LRCH2: variants seen among roughly 807,000 people sequenced by gnomAD.
The protein encoded by LRCH2 is leucine-rich repeat and calponin homology domain-containing protein 2.
In LRCH2, 38 loss-of-function variants were observed where a neutral mutation model predicts 68.9. The ratio of observed to expected loss-of-function variants is 0.55; its 90% CI spans 0.43 to 0.72. The LOEUF (loss-of-function observed/expected upper bound fraction) is 0.72. Among genes scored for constraint, LRCH2 ranks in the 30% least tolerant of loss-of-function variants. The pLI is 0.00. For synonymous variants in LRCH2, 191 were observed against 208.1 expected (o/e 0.92, Z 0.71); for missense variants, 528 against 572.9 (o/e 0.92, Z 0.80).
chrX:115,191,794 C>T (rs1410935015), intron 1 of LRCH2: 10 of 1,156,466 alleles, frequency 8.6e-6, no homozygotes, highest in Admixed American at 8.0e-5. Flanking sequence ...GTACCGAGGC[C>T]GCTCGCTCGA....
At chrX:115,120,953 T>C in intron 20 of LRCH2, among the ~76,000 whole-genome samples, 1 of 99,094 alleles carries the variant, frequency 1.0e-5, no homozygotes, top group Non-Finnish European at 2.0e-5. Context: ...TTCTCACTCA[T>C]AGGTGGGAAT....
intron 1 of LRCH2, among the ~76,000 whole-genome samples, chrX:115,231,986 A>T (rs1456389417): frequency 2.7e-5 from 3 of 111,711 alleles, no homozygotes; most frequent in Non-Finnish European, 5.6e-5. Flanking sequence ...TGGGGCTTCA[A>T]TAAAATTAAA....
chrX:115,200,628 T>G (rs2072923678), intron 1 of LRCH2, among the ~76,000 whole-genome samples: 1 of 102,054 alleles, frequency 9.8e-6, no homozygotes, highest in African/African-American at 3.6e-5. Context: ...CAAAACTGAA[T>G]CAGTAGTAAA....
At chrX:115,192,627 A>C in intron 1 of LRCH2, 1 of 1,169,665 alleles carries the variant, frequency 8.5e-7, no homozygotes, top group Non-Finnish European at 1.1e-6. Context: ...AGAGGGGGGA[A>C]GGCCGGAGCA....
At chrX:115,168,846 T>C (rs2072584466) in intron 6 of LRCH2, among the ~76,000 whole-genome samples, 1 of 111,490 alleles carries the variant, frequency 9.0e-6, no homozygotes, top group African/African-American at 3.3e-5. Context: ...CTTAAAACTG[T>C]CCAATGACTT....
chrX:115,175,431 T>C (rs2072639382), intron 5 of LRCH2, among the ~76,000 whole-genome samples: 1 of 111,610 alleles, frequency 9.0e-6, no homozygotes, highest in South Asian at 3.8e-4. Context: ...AGTATTACCC[T>C]ACACCCAGAA....
At chrX:115,192,433 C>T (rs1556561311) in intron 1 of LRCH2, 7 of 1,167,295 alleles carry the variant, frequency 6.0e-6, no homozygotes, top group Non-Finnish European at 8.0e-6. Context: ...CAGCGGCGAC[C>T]ACGACAGATC....
chrX:115,122,204 C>CAA (rs1293459152), intron 20 of LRCH2, among the ~76,000 whole-genome samples: 3 of 49,111 alleles, frequency 6.1e-5, no homozygotes, highest in Non-Finnish European at 1.2e-4. Context: ...TGTTCTCTAG[C>CAA]AAAAAAAAAA....
chrX:115,201,367 T>C (rs939685438), intron 1 of LRCH2, among the ~76,000 whole-genome samples: 1 of 111,931 alleles, frequency 8.9e-6, no homozygotes, highest in African/African-American at 3.3e-5. Context: ...GTTGAATATA[T>C]GCAAATTAAT....
intron 14 of LRCH2, chrX:115,139,168 A>G (rs2072314892): frequency 8.9e-6 from 1 of 112,119 alleles, no homozygotes; most frequent in African/African-American, 3.2e-5. Flanking sequence ...TAACTTGTGC[A>G]TAAACTCTGA....
At chrX:115,119,196 G>T (rs1380804061) in intron 20 of LRCH2, among the ~76,000 whole-genome samples, 1 of 109,755 alleles carries the variant, frequency 9.1e-6, no homozygotes, top group East Asian at 2.9e-4. Flanking sequence ...AGGAAATAAA[G>T]GGTATTCAAT....
At position 115,196,949 on chromosome X, in the gene LRCH2, C is replaced by T. The variant is rs1316359814; in HGVS notation, c.350-8579G>A. ...ACTTAGCACACCTCTGCTACCATTA[C>T]AACCTGATGATGGGCCCATCAGGCA... On this transcript the variant is annotated intron_variant, in intron 1 of 20. Transcript: ENST00000317135. Among the ~76,000 whole-genome samples, 11 of 111,121 alleles carry T rather than the reference C, an allele frequency of 9.9e-5. No individual in the cohort carries two copies. The Admixed American group carries it at 1.0e-3, about 11-fold the overall frequency.
At chrX:115,191,388 C>T in intron 1 of LRCH2, 1 of 1,148,309 alleles carries the variant, frequency 8.7e-7, no homozygotes. Context: ...CGCCTGATGC[C>T]TACAGTGGGG....
intron 1 of LRCH2, among the ~76,000 whole-genome samples, chrX:115,225,895 T>C (rs1244389265): frequency 8.9e-6 from 1 of 112,087 alleles, no homozygotes; most frequent in Non-Finnish European, 1.9e-5. Context: ...TTCATCGAAA[T>C]ACCTTTTTAA....
chrX:115,124,657 A>AAACTACTGTGTAAAG (rs782249391), intron 16 of LRCH2, among the ~76,000 whole-genome samples: 273 of 112,051 alleles, frequency 2.4e-3, no homozygotes, highest in African/African-American at 8.1e-3. Context: ...TAACTAAATG[A>AAACTACTGTGTAAAG]TGATAAAATA....
chrX:115,233,057 T>C, intron 1 of LRCH2, among the ~76,000 whole-genome samples: 1 of 112,307 alleles, frequency 8.9e-6, no homozygotes, highest in East Asian at 2.8e-4. Context: ...AGCTTTCTTC[T>C]AGTAAGCAGA....
chrX:115,116,275 A>G (rs781786870), intron 20 of LRCH2, among the ~76,000 whole-genome samples: 1 of 111,772 alleles, frequency 8.9e-6, no homozygotes, highest in Non-Finnish European at 1.9e-5. Flanking sequence ...AACATTATTC[A>G]TAATAAACAA....
rs1556526592 is a variant in LRCH2, at chrX:115,123,110, T to C, written c.1932A>G (p.Glu644=). The change falls in exon 18 of 21, where the codon GAA becomes GAG. Residue 644 remains glutamate, a synonymous_variant. Coordinates refer to ENST00000317135, the MANE Select transcript of LRCH2 (RefSeq NM_020871.4). ...GAAGTTGTCGTATTTGCTCTCGCTC[T>C]TCCCGTAAATGTTCCATCTTTCTTC... ...TMRRKMEHLR[E]EREQIRQLRN... The C allele has an allele frequency of 8.3e-7, 1 of 1,210,036 alleles. No homozygotes were observed. The highest frequency in any genetic ancestry group is 1.8e-5 in the South Asian group (1 of 56,611).
intron 20 of LRCH2, among the ~76,000 whole-genome samples, chrX:115,115,946 T>G (rs1283051506): frequency 4.5e-5 from 5 of 110,752 alleles, no homozygotes; most frequent in African/African-American, 1.6e-4. Context: ...CAAGAAAAGA[T>G]GCTCAACATC....
Sources: gnomAD v4.1 joint callset for allele counts (sites outside exome capture counted in the v4.1 genomes callset) on GRCh38, gnomAD v4.1.1 for gene constraint, MANE v1.5 for transcripts, NCBI Gene and HGNC (gene_info 2026-07-23, HGNC 2026-07-21) for gene names.